PTPRD: variants seen among roughly 807,000 people sequenced by gnomAD.
PTPRD encodes protein tyrosine phosphatase receptor type D.
A neutral mutation model predicts 214.5 loss-of-function variants in PTPRD; 34 were observed. The observed-to-expected ratio is 0.16, with a 90% CI of 0.12 to 0.21. The LOEUF (loss-of-function observed/expected upper bound fraction) is 0.21. Ranked by LOEUF, PTPRD falls within the 10% of genes least tolerant of loss-of-function variation. PTPRD has a pLI of 1.00. For missense variants in PTPRD, 2,545 were observed against 2,398.7 expected (o/e 1.06, Z -1.27); for synonymous variants, 1,128 against 845.7 (o/e 1.33, Z -5.79).
intron 36 of PTPRD, among the ~76,000 whole-genome samples, chr9:8,403,219 T>C (rs1360537083): frequency 1.3e-5 from 2 of 152,166 alleles, no homozygotes; most frequent in Non-Finnish European, 1.5e-5. Context: ...CAGCAGAGAT[T>C]TTGGAAGCAG....
intron 11 of PTPRD, among the ~76,000 whole-genome samples, chr9:8,999,698 G>C (rs1012243392): frequency 6.6e-6 from 1 of 151,854 alleles, no homozygotes; most frequent in Non-Finnish European, 1.5e-5. Flanking sequence ...GGAATATTTC[G>C]ATAGTCCTTT....
At chr9:9,519,745 G>A (rs540344236) in intron 8 of PTPRD, among the ~76,000 whole-genome samples, 1 of 151,932 alleles carries the variant, frequency 6.6e-6, no homozygotes, top group Non-Finnish European at 1.5e-5. Context: ...TTCATCAATT[G>A]AAAGACTCAA....
chr9:10,054,729 T>G (rs543937591), intron 3 of PTPRD, among the ~76,000 whole-genome samples: 2 of 152,226 alleles, frequency 1.3e-5, no homozygotes, highest in East Asian at 3.9e-4. Context: ...CTTTCACTAA[T>G]GTCAGCAAGC....
At chr9:9,545,583 GT>G (rs1167172956) in intron 8 of PTPRD, among the ~76,000 whole-genome samples, 2 of 151,828 alleles carry the variant, frequency 1.3e-5, no homozygotes, top group Non-Finnish European at 2.9e-5. Context: ...TGTGTACAGA[GT>G]TTTTGCATGG....
chr9:8,344,835 T>G (rs1486441045), intron 39 of PTPRD, among the ~76,000 whole-genome samples: 1 of 151,958 alleles, frequency 6.6e-6, no homozygotes, highest in Non-Finnish European at 1.5e-5. Flanking sequence ...GACAGTTAAC[T>G]CTTATTAACG....
At chr9:8,431,637 T>C (rs2095061626) in intron 35 of PTPRD, among the ~76,000 whole-genome samples, 1 of 152,180 alleles carries the variant, frequency 6.6e-6, no homozygotes, top group Non-Finnish European at 1.5e-5. Context: ...TCATGTTCTG[T>C]AATACATTAC....
rs112624149 is a variant in PTPRD at position 8,705,225 on chromosome 9, C to CAGT, written c.64+28554_64+28555insACT. Among the ~76,000 whole-genome samples the CAGT allele has an allele frequency of 6.0e-3, 920 of 152,170 alleles. 10 individuals carry two copies. The highest frequency in any genetic ancestry group is 0.021 in the African/African-American group (872 of 41,522). On this transcript the variant is annotated intron_variant, in intron 12 of 45. Transcript: ENST00000381196. ...CTTTCCTAAATTTTTGTTGTTGTTACTGTTGTTTTGTTTTTTGAGATGGTC... is the reference window on the plus strand; with the variant it reads ...CTTTCCTAAATTTTTGTTGTTGTTACAGTTGTTGTTTTGTTTTTTGAGATGGTC...
intron 8 of PTPRD, among the ~76,000 whole-genome samples, chr9:9,467,588 CAAAAAAAA>C (rs1176159031): frequency 7.1e-5 from 4 of 55,954 alleles, no homozygotes; most frequent in South Asian, 1.0e-3. Context: ...CTCCATCTCC[CAAAAAAAA>C]AAAAAAAAAA....
chr9:9,219,291 A>AT (rs1217342163), intron 9 of PTPRD, among the ~76,000 whole-genome samples: 1 of 152,098 alleles, frequency 6.6e-6, no homozygotes, highest in Admixed American at 6.6e-5. Flanking sequence ...AGTACAATTG[A>AT]TTTTGTTTTC....
chr9:9,742,649 C>T (rs991686423), intron 6 of PTPRD, among the ~76,000 whole-genome samples: 1 of 151,262 alleles, frequency 6.6e-6, no homozygotes, highest in Non-Finnish European at 1.5e-5. Context: ...TAAAAAAAAA[C>T]CTGGCAGATT....
At chr9:10,420,847 T>A (rs988066907) in intron 2 of PTPRD, among the ~76,000 whole-genome samples, 1 of 151,836 alleles carries the variant, frequency 6.6e-6, no homozygotes, top group Non-Finnish European at 1.5e-5. Flanking sequence ...TCTTTTTTTT[T>A]ATTCTTTATA....
chr9:10,606,262 G>C (rs1332644331), intron 2 of PTPRD, among the ~76,000 whole-genome samples: 1 of 151,782 alleles, frequency 6.6e-6, no homozygotes, highest in Non-Finnish European at 1.5e-5. Context: ...ATAACCATTT[G>C]GGTGAAGAAT....
intron 7 of PTPRD, among the ~76,000 whole-genome samples, chr9:9,715,305 A>T (rs2097799219): frequency 6.6e-6 from 1 of 152,128 alleles, no homozygotes; most frequent in Non-Finnish European, 1.5e-5. Context: ...AAGGCTTGAC[A>T]CTGGTTGGCA....
chr9:9,268,341 A>T (rs1941124056), intron 9 of PTPRD, among the ~76,000 whole-genome samples: 1 of 148,410 alleles, frequency 6.7e-6, no homozygotes, highest in Non-Finnish European at 1.5e-5. Context: ...AAAATATAAG[A>T]CATCGATGAA....
At chr9:10,314,010 C>T (rs560403063) in intron 3 of PTPRD, among the ~76,000 whole-genome samples, 3 of 151,740 alleles carry the variant, frequency 2.0e-5, no homozygotes, top group Non-Finnish European at 4.4e-5. Flanking sequence ...AATAAATGGA[C>T]GTGATGATAC....
chr9:10,406,681 T>C (rs1229919755), intron 2 of PTPRD, among the ~76,000 whole-genome samples: 3 of 151,656 alleles, frequency 2.0e-5, no homozygotes, highest in Non-Finnish European at 4.4e-5. Context: ...AATTTTCACT[T>C]TTAGCATGTG....
At chr9:8,332,917 A>C (rs1307214238) in intron 43 of PTPRD, among the ~76,000 whole-genome samples, 1 of 152,104 alleles carries the variant, frequency 6.6e-6, no homozygotes, top group East Asian at 1.9e-4. Flanking sequence ...TCCTCATCAA[A>C]CTTTTTTTAG....
intron 12 of PTPRD, among the ~76,000 whole-genome samples, chr9:8,667,521 T>C (rs1397014176): frequency 6.6e-6 from 1 of 152,058 alleles, no homozygotes. Context: ...AAGTGAAAAA[T>C]TCCACATCTA....
chr9:8,946,180 G>C (rs2099062982), intron 11 of PTPRD, among the ~76,000 whole-genome samples: 1 of 152,164 alleles, frequency 6.6e-6, no homozygotes, highest in Non-Finnish European at 1.5e-5. Context: ...AACATCACTT[G>C]ATAGCCATTC....
Sources: allele counts gnomAD v4.1 joint callset (sites outside exome capture counted in the v4.1 genomes callset), GRCh38; gene constraint gnomAD v4.1.1; transcripts MANE v1.5; gene names NCBI Gene and HGNC (gene_info 2026-07-23, HGNC 2026-07-21).